ACSL6: variants seen among roughly 807,000 people sequenced by gnomAD.
ACSL6 encodes long-chain-fatty-acid--CoA ligase 6.
ACSL6 carries 47 observed loss-of-function variants against 98.2 expected under a neutral mutation model. That is an observed-to-expected ratio of 0.48 (90% CI 0.38 to 0.61). ACSL6 has a LOEUF of 0.61. Ranked by LOEUF, ACSL6 falls within the 20% of genes least tolerant of loss-of-function variation. ACSL6 has a pLI of 0.00. For synonymous variants in ACSL6, 362 were observed against 336.9 expected, an observed-to-expected ratio of 1.07 and a Z score of -0.82; for missense variants, 761 against 913.4, an observed-to-expected ratio of 0.83 and a Z score of 2.15.
intron 9 of ACSL6, 63 bp downstream of exon 9, chr5:131,985,344 C>A: frequency 6.2e-7 from 1 of 1,603,862 alleles, no homozygotes; most frequent in Non-Finnish European, 8.5e-7. Context: ...CAGCAGTCAC[C>A]TGCTAGGCCA....
intron 1 of ACSL6, among the ~76,000 whole-genome samples, chr5:131,996,182 G>T (rs561367042): frequency 6.6e-6 from 1 of 152,324 alleles, no homozygotes; most frequent in East Asian, 1.9e-4. Flanking sequence ...AAGCTTCCTT[G>T]AGCTGGGTCA....
intron 20 of ACSL6, among the ~76,000 whole-genome samples, chr5:131,958,751 G>A (rs777024146): frequency 4.6e-5 from 7 of 151,880 alleles, no homozygotes; most frequent in Non-Finnish European, 8.8e-5. Context: ...GTTATTAAGC[G>A]AATATACAAA....
chr5:131,980,708 C>A (rs2126857676), intron 9 of ACSL6, among the ~76,000 whole-genome samples: 1 of 152,244 alleles, frequency 6.6e-6, no homozygotes, highest in Admixed American at 6.5e-5. Context: ...TTTCATATGA[C>A]TCCAGACCTG....
rs756804410 is a variant in ACSL6, at chr5:131,988,922, G to T, written c.553-18C>A. On this transcript the variant is annotated intron_variant, in intron 5 of 20. Coordinates refer to ENST00000651883, the MANE Select transcript of ACSL6 (RefSeq NM_001009185.3). ...ATGATCCACTGTGGAGACACATGAG[G>T]CGGGGGTGGGGAAGAAGGGGAGATT... 6.3e-7 allele frequency: 1 copy of T among 1,595,252 alleles called. No individual in the cohort carries two copies. Among genetic ancestry groups the T allele is most frequent in the Admixed American group, 1.7e-5 (1 of 60,010 alleles).
intron 1 of ACSL6, 30 bp from the exon 2 acceptor site, chr5:131,994,281 G>A (rs1410816815): frequency 1.3e-6 from 2 of 1,569,136 alleles, no homozygotes; most frequent in Non-Finnish European, 1.7e-6. Flanking sequence ...GATAAGGCAA[G>A]AGACCTGACG....
chr5:131,987,465 G>C (rs559609524), intron 7 of ACSL6, among the ~76,000 whole-genome samples: 3 of 84,334 alleles, frequency 3.6e-5, no homozygotes, highest in African/African-American at 7.7e-5. Context: ...CACATAGGGA[G>C]GCAGGAGAAG....
intron 20 of ACSL6, among the ~76,000 whole-genome samples, chr5:131,958,309 A>G (rs1227226807): frequency 1.3e-5 from 2 of 152,216 alleles, no homozygotes; most frequent in African/African-American, 4.8e-5. Flanking sequence ...GGCCCAGACC[A>G]GCCAGGCCTA....
intron 1 of ACSL6, among the ~76,000 whole-genome samples, chr5:131,995,016 A>C (rs1395598268): frequency 6.6e-6 from 1 of 152,196 alleles, no homozygotes; most frequent in Non-Finnish European, 1.5e-5. Context: ...GTAGGAAGAG[A>C]AACCACGACT....
At chr5:132,005,367 G>A (rs1025925105) in intron 1 of ACSL6, among the ~76,000 whole-genome samples, 1 of 152,202 alleles carries the variant, frequency 6.6e-6, no homozygotes, top group Non-Finnish European at 1.5e-5. Context: ...GGTCACTGCA[G>A]GCCTGGATGG....
chr5:131,977,779 A>C (rs1373619104), intron 9 of ACSL6, among the ~76,000 whole-genome samples: 1 of 152,188 alleles, frequency 6.6e-6, no homozygotes. Flanking sequence ...AGAGACTAAG[A>C]GAGTGTTGTA....
upstream of ACSL6, chr5:132,011,977 T>A (rs923979850): frequency 8.6e-6 from 13 of 1,517,594 alleles, no homozygotes; most frequent in Non-Finnish European, 1.2e-5. This position sits in a 1 kb window ranked among gnomAD's most constrained non-coding sequence, Gnocchi z 5.4. Flanking sequence ...AGCGTGACAT[T>A]GAGCCCACCC....
chr5:131,987,509 T>G (rs1024961075), intron 7 of ACSL6, among the ~76,000 whole-genome samples: 4 of 152,030 alleles, frequency 2.6e-5, no homozygotes, highest in African/African-American at 7.2e-5. Flanking sequence ...TAGGGCATAG[T>G]GGGGGGTCAG....
intron 1 of ACSL6, among the ~76,000 whole-genome samples, chr5:132,010,200 C>T (rs1044499465): frequency 5.3e-5 from 8 of 152,194 alleles, no homozygotes; most frequent in African/African-American, 1.7e-4. Flanking sequence ...GGAGGCTTCA[C>T]TCACTCTCCC....
At chr5:131,981,611 G>T (rs1405857321) in intron 9 of ACSL6, among the ~76,000 whole-genome samples, 1 of 152,174 alleles carries the variant, frequency 6.6e-6, no homozygotes, top group Non-Finnish European at 1.5e-5. Context: ...AATCTTTTGT[G>T]CCTGGTTTCT....
At chr5:132,002,785 C>G (rs1235904334) in intron 1 of ACSL6, among the ~76,000 whole-genome samples, 2 of 151,980 alleles carry the variant, frequency 1.3e-5, no homozygotes, top group Admixed American at 1.3e-4. Flanking sequence ...CACACAGTGG[C>G]GGGAAGGAGG....
At chr5:131,992,840 C>T (rs1754597002) in intron 2 of ACSL6, among the ~76,000 whole-genome samples, 1 of 152,240 alleles carries the variant, frequency 6.6e-6, no homozygotes, top group Non-Finnish European at 1.5e-5. Flanking sequence ...ACAAGCTTAA[C>T]CAAAAACAGC....
rs1753535327 is a variant in ACSL6, at chr5:131,974,929, G to C, written c.1032C>G (p.Phe344Leu). Residue 344 changes from phenylalanine to leucine, a missense_variant, in exon 11 of 21, where the codon TTC becomes TTG. By Grantham distance (22) the Phe-to-Leu change is conservative. Transcript: ENST00000651883. ...FPRQDDVLISFLPLAHMFERV... is the reference protein window; with the variant it reads ...FPRQDDVLISLLPLAHMFERV... ...TCTCAAACATGTGAGCCAGAGGCAG[G>C]AAGGAGATGAGCACATCGTCCTGTC... The C allele has an allele frequency of 6.2e-7, 1 of 1,614,104 alleles. No homozygotes were observed. The highest frequency in any genetic ancestry group is 1.3e-5 in the African/African-American group (1 of 74,938).
At chr5:132,004,370 CA>C (rs1352746779) in intron 1 of ACSL6, among the ~76,000 whole-genome samples, 3 of 152,162 alleles carry the variant, frequency 2.0e-5, no homozygotes. Context: ...GGAGAAATAG[CA>C]CAGCAAGATC....
At chr5:131,969,170 G>C (rs961789062) in intron 15 of ACSL6, among the ~76,000 whole-genome samples, 4 of 152,196 alleles carry the variant, frequency 2.6e-5, no homozygotes, top group African/African-American at 4.8e-5. Context: ...TTGTACTTAA[G>C]TTTGCTCAGC....
Sources: gnomAD v4.1 joint callset for allele counts (sites outside exome capture counted in the v4.1 genomes callset) on GRCh38, gnomAD v4.1.1 for gene constraint, Gnocchi (gnomAD v3.1) non-coding constraint, MANE v1.5 for transcripts, NCBI Gene and HGNC (gene_info 2026-07-23, HGNC 2026-07-21) for gene names.